NFATC1: variants seen among roughly 807,000 people sequenced by gnomAD.
NFATC1 encodes nuclear factor of activated T cells 1.
In NFATC1, 22 loss-of-function variants were observed where a neutral mutation model predicts 76.0. That is an observed-to-expected ratio of 0.29 (90% CI 0.21 to 0.41). The LOEUF is 0.41. NFATC1 is among the 10% of genes least tolerant of loss of function. The pLI, the probability that NFATC1 is intolerant of heterozygous loss-of-function variation, is 1.00. For synonymous variants in NFATC1, 704 were observed against 613.1 expected, an observed-to-expected ratio of 1.15 and a Z score of -2.19; for missense variants, 1,357 against 1,337.7, an observed-to-expected ratio of 1.01 and a Z score of -0.23.
intron 9 of NFATC1, among the ~76,000 whole-genome samples, chr18:79,491,387 C>T (rs1213084085): frequency 1.3e-5 from 2 of 152,192 alleles, no homozygotes; most frequent in Non-Finnish European, 2.9e-5. Context: ...GCCAAGTGTC[C>T]TCAGCGGGTG....
intron 2 of NFATC1, chr18:79,421,483 G>C (rs1481848974): frequency 1.3e-5 from 2 of 152,486 alleles, no homozygotes; most frequent in Non-Finnish European, 2.9e-5. Flanking sequence ...GCCACCCCAG[G>C]GGTCTGGGAG....
intron 2 of NFATC1, among the ~76,000 whole-genome samples, chr18:79,431,864 G>A (rs1289909571): frequency 3.9e-5 from 6 of 152,140 alleles, no homozygotes; most frequent in South Asian, 2.1e-4. Flanking sequence ...CACCACGCCC[G>A]GCTAATTTTT....
intron 9 of NFATC1, among the ~76,000 whole-genome samples, chr18:79,491,574 G>A (rs1293417629): frequency 2.0e-5 from 3 of 152,230 alleles, no homozygotes; most frequent in Non-Finnish European, 4.4e-5. Context: ...CCAGCCCCGA[G>A]CCCCGTGAGG....
Position 79,441,484 on chromosome 18 carries a change from A to T in NFATC1, c.1387-7298A>T, listed in dbSNP as rs555595097. The stretch of plus-strand genomic sequence containing the variant: ...GGCTTGTGGGGGAGGCAGGATGAAC[A>T]GGGGCTGCTTGCCGGTCCTCAGGCC... On this transcript the variant is annotated intron_variant, in intron 3 of 9. Transcript: ENST00000427363. Among the ~76,000 whole-genome samples the T allele has an allele frequency of 9.9e-5, 15 of 152,100 alleles. No homozygotes were observed. In the East Asian group the frequency reaches 2.9e-3, roughly 30 times the overall value.
chr18:79,454,990 A>G (rs932933291), intron 6 of NFATC1, among the ~76,000 whole-genome samples: 74 of 152,266 alleles, frequency 4.9e-4, no homozygotes, highest in African/African-American at 1.7e-3. Flanking sequence ...TGAGGGACAC[A>G]CTAACGTTCA....
Position 79,410,734 on chromosome 18 carries a change from C to T in NFATC1, c.459C>T (p.Ser153=). ...DVLPSSKRSP[S]TATLSLPSLE... Reference sequence around the variant, plus strand: ...TCCCTAGCTCCAAACGGTCCCCCTCCACGGCCACGCTGAGTCTGCCCAGCC... The same window carrying T: ...TCCCTAGCTCCAAACGGTCCCCCTCTACGGCCACGCTGAGTCTGCCCAGCC... Residue 153 remains serine (S), a synonymous_variant, in exon 2 of 10, where the codon TCC becomes TCT. Coordinates refer to ENST00000427363, the MANE Select transcript of NFATC1 (RefSeq NM_001278669.2). The surrounding 1 kb of genome is among the most constrained non-coding windows in gnomAD (Gnocchi z 6.7). 1 of 1,613,052 alleles carries T rather than the reference C, an allele frequency of 6.2e-7. No homozygotes were observed. The highest frequency in any genetic ancestry group is 1.7e-5 in the Admixed American group (1 of 60,020).
At chr18:79,511,602 A>AG (rs2090255577) in intron 9 of NFATC1, among the ~76,000 whole-genome samples, 1 of 152,066 alleles carries the variant, frequency 6.6e-6, no homozygotes, top group Non-Finnish European at 1.5e-5. Flanking sequence ...GGAGGGGTGG[A>AG]GGGCAGGTTC....
At chr18:79,414,164 A>G (rs2085795646) in intron 2 of NFATC1, among the ~76,000 whole-genome samples, 1 of 152,162 alleles carries the variant, frequency 6.6e-6, no homozygotes, top group Admixed American at 6.5e-5. Flanking sequence ...AGCGAGGTGG[A>G]GAGGCCAGAC....
intron 8 of NFATC1, among the ~76,000 whole-genome samples, chr18:79,478,907 GT>G (rs963385595): frequency 1.6e-4 from 24 of 152,202 alleles, no homozygotes; most frequent in Admixed American, 7.2e-4. Context: ...TGAGGCCTGG[GT>G]CTGCGGGGAC....
At chr18:79,406,935 C>T (rs1275329561) in intron 1 of NFATC1, among the ~76,000 whole-genome samples, 3 of 152,348 alleles carry the variant, frequency 2.0e-5, no homozygotes, top group South Asian at 2.1e-4. Flanking sequence ...GCGTGTGGGG[C>T]GTGGGGCACA....
intron 8 of NFATC1, among the ~76,000 whole-genome samples, chr18:79,474,288 A>G (rs1397568895): frequency 2.4e-5 from 3 of 123,832 alleles, no homozygotes; most frequent in Non-Finnish European, 3.2e-5. Context: ...GCGTGTTCTC[A>G]CGCTCACTGT....
chr18:79,476,695 C>T (rs1048401374), intron 8 of NFATC1, among the ~76,000 whole-genome samples: 2 of 152,202 alleles, frequency 1.3e-5, no homozygotes, highest in Non-Finnish European at 2.9e-5. Context: ...CTCACCCCGA[C>T]CGACACACAG....
At chr18:79,482,317 GT>G (rs1183187187) in intron 8 of NFATC1, among the ~76,000 whole-genome samples, 42 of 128,584 alleles carry the variant, frequency 3.3e-4, no homozygotes, top group East Asian at 5.3e-4. Context: ...GCGTGACCTG[GT>G]TCCTGGGGTG....
chr18:79,472,495 T>A (rs1403384841), intron 8 of NFATC1, among the ~76,000 whole-genome samples: 1 of 152,226 alleles, frequency 6.6e-6, no homozygotes, highest in Non-Finnish European at 1.5e-5. Flanking sequence ...TTTGTCCAAG[T>A]CCACTGCATG....
intron 1 of NFATC1, among the ~76,000 whole-genome samples, chr18:79,403,668 C>A (rs544842502): frequency 6.6e-6 from 1 of 152,410 alleles, no homozygotes; most frequent in African/African-American, 2.4e-5. Context: ...CTCCGAACCT[C>A]TGTGTGCCCG....
At chr18:79,414,704 C>A (rs1228856471) in intron 2 of NFATC1, among the ~76,000 whole-genome samples, 1 of 152,116 alleles carries the variant, frequency 6.6e-6, no homozygotes, top group Non-Finnish European at 1.5e-5. Context: ...ACCTGCTATA[C>A]CCCCTAAAAA....
Position 79,431,276 on chromosome 18 carries a change from T to A in NFATC1, c.1227-2303T>A, listed in dbSNP as rs147127975. Among the ~76,000 whole-genome samples, 3 of 152,378 alleles carry A rather than the reference T, an allele frequency of 2.0e-5. No homozygotes were observed. The East Asian group carries it at 5.8e-4, about 29-fold the overall frequency. ...GGAACATTTTAGGTGTTTGTATTTT[T>A]AAAAATTACGTAGTTGATTCCATTC... On this transcript the variant is annotated intron_variant, in intron 2 of 9. Coordinates refer to ENST00000427363, the MANE Select transcript of NFATC1 (RefSeq NM_001278669.2).
chr18:79,416,401 T>C (rs2085876772), intron 2 of NFATC1, among the ~76,000 whole-genome samples: 1 of 152,130 alleles, frequency 6.6e-6, no homozygotes, highest in South Asian at 2.1e-4. Flanking sequence ...CCCGGCAGTG[T>C]TGGGGGAACA....
rs1020087235 is a variant in NFATC1, at chr18:79,524,202, G to A, written c.2783-3326G>A. On this transcript the variant is annotated intron_variant, in intron 9 of 9. Transcript: ENST00000427363. This position sits in a 1 kb window ranked among gnomAD's most constrained non-coding sequence, Gnocchi z 7.2. Reference sequence around the variant, plus strand: ...GGGCGGTCCTGTCTTTCAGCCCAGCGCCAGCGAGCCACATGGCCTCAGACC... The same window carrying A: ...GGGCGGTCCTGTCTTTCAGCCCAGCACCAGCGAGCCACATGGCCTCAGACC... 1.3e-5 allele frequency among the ~76,000 whole-genome samples: 2 copies of A among 152,138 alleles called. No individual in the cohort carries two copies. Among genetic ancestry groups the A allele is most frequent in the Non-Finnish European group, 2.9e-5 (2 of 68,026 alleles).
Sources: allele counts gnomAD v4.1 joint callset (sites outside exome capture counted in the v4.1 genomes callset), GRCh38; gene constraint gnomAD v4.1.1; non-coding constraint Gnocchi (gnomAD v3.1); transcripts MANE v1.5; gene names NCBI Gene and HGNC (gene_info 2026-07-23, HGNC 2026-07-21).